Variants in GNB1 observed in about 807,000 individuals in gnomAD.
GNB1 encodes the protein G protein subunit beta 1, also known as guanine nucleotide-binding protein G(I)/G(S)/G(T) subunit beta-1.
A neutral mutation model predicts 42.9 loss-of-function variants in GNB1; 2 were observed. The ratio of observed to expected loss-of-function variants is 0.05; its 90% CI spans 0.02 to 0.15. The LOEUF is 0.15. Among genes scored for constraint, GNB1 ranks in the 10% least tolerant of loss-of-function variants. GNB1 has a pLI of 1.00. For missense variants in GNB1, 193 were observed against 462.2 expected (o/e 0.42, Z 5.34); for synonymous variants, 183 against 174.7 (o/e 1.05, Z -0.38).
Position 1,867,088 on chromosome 1 carries a change from G to A in GNB1, c.-96+23732C>T, listed in dbSNP as rs185207993. On this transcript the variant is annotated intron_variant, in intron 1 of 11. Transcript: ENST00000378609. ...TCGAGACCAGCCTGGCCAACATGGC[G>A]AAACCCCATCTCTATTAAAAATACA... Among the ~76,000 whole-genome samples the A allele has an allele frequency of 1.5e-4, 23 of 152,178 alleles. No homozygotes were observed. The East Asian group carries it at 3.9e-3, about 26-fold the overall frequency.
chr1:1,851,713 CCTTTA>C (rs753857526), intron 1 of GNB1, among the ~76,000 whole-genome samples: 105 of 152,324 alleles, frequency 6.9e-4, no homozygotes, highest in Non-Finnish European at 1.4e-3. Context: ...TGAGGACAAG[CCTTTA>C]CTTTATTTTG....
At chr1:1,820,525 G>GT (rs1235507344) in intron 3 of GNB1, among the ~76,000 whole-genome samples, 4 of 152,038 alleles carry the variant, frequency 2.6e-5, no homozygotes, top group Non-Finnish European at 5.9e-5. Flanking sequence ...AACATTTGGA[G>GT]TAAGGGGGAT....
intron 3 of GNB1, among the ~76,000 whole-genome samples, chr1:1,819,428 C>T (rs865777904): frequency 6.6e-6 from 1 of 152,218 alleles, no homozygotes; most frequent in African/African-American, 2.4e-5. Flanking sequence ...ACCATATTGG[C>T]CAGGCTGGTC....
rs776673470 is a variant in GNB1, at chr1:1,793,292, T to C, written c.450A>G (p.Arg150=). 1 of 1,613,284 alleles carries C rather than the reference T, an allele frequency of 6.2e-7. No homozygotes were observed. The highest frequency in any genetic ancestry group is 1.1e-5 in the South Asian group (1 of 90,984). ...AGHTGYLSCC[R]FLDDNQIVTS... ...TGACGATCTGATTGTCATCCAGGAATCGGCAGCAGGACAGGTAACCTGGCA... is the reference window on the plus strand; with the variant it reads ...TGACGATCTGATTGTCATCCAGGAACCGGCAGCAGGACAGGTAACCTGGCA... The change falls in exon 8 of 12, where the codon CGA becomes CGG. Residue 150 remains arginine (R), a synonymous_variant. Transcript: ENST00000378609.
At position 1,849,322 on chromosome 1, in the gene GNB1, G is replaced by A. The variant is rs138266024; in HGVS notation, c.-95-10084C>T. On this transcript the variant is annotated intron_variant, in intron 1 of 11. Coordinates refer to ENST00000378609, the MANE Select transcript of GNB1 (RefSeq NM_002074.5). ...CTAGATATAGCACCAGAAGATAACT[G>A]CAGTGTGATGGGATACACTTCTGCC... is the stretch of plus-strand genomic sequence containing the variant. Among the ~76,000 whole-genome samples, 31 of 152,276 alleles carry A rather than the reference G, an allele frequency of 2.0e-4. No homozygotes were observed. The East Asian group carries it at 6.0e-3, about 29-fold the overall frequency.
At position 1,801,224 on chromosome 1, in the gene GNB1, C is replaced by T. The variant is rs189569336; in HGVS notation, c.430+3195G>A. On this transcript the variant is annotated intron_variant, in intron 7 of 11. Coordinates refer to ENST00000378609, the MANE Select transcript of GNB1 (RefSeq NM_002074.5). ...TTTATTTTTAGTAGACACGGGGTTTCGTCATGTTGGCTAGGCTGATCTCAA... is the reference window on the plus strand; with the variant it reads ...TTTATTTTTAGTAGACACGGGGTTTTGTCATGTTGGCTAGGCTGATCTCAA... Among the ~76,000 whole-genome samples the T allele has an allele frequency of 5.9e-5, 9 of 152,278 alleles. No individual in the cohort carries two copies. In the East Asian group the frequency reaches 1.2e-3, roughly 20 times the overall value.
intron 1 of GNB1, among the ~76,000 whole-genome samples, chr1:1,883,278 CAAAAAA>C (rs70937202): frequency 2.7e-5 from 2 of 75,398 alleles, no homozygotes; most frequent in South Asian, 3.8e-4. Context: ...AACCCTGTCC[CAAAAAA>C]AAAAAAAAAA....
At chr1:1,845,234 G>A (rs1647563770) in intron 1 of GNB1, among the ~76,000 whole-genome samples, 1 of 152,138 alleles carries the variant, frequency 6.6e-6, no homozygotes, top group Non-Finnish European at 1.5e-5. Flanking sequence ...ACATTCTAAG[G>A]GCAAATAGAG....
intron 7 of GNB1, among the ~76,000 whole-genome samples, chr1:1,801,074 G>C (rs1646619249): frequency 6.6e-6 from 1 of 152,248 alleles, no homozygotes; most frequent in African/African-American, 2.4e-5. Context: ...CTGTTACCCA[G>C]GCTGGAGGTG....
At chr1:1,833,255 C>T (rs942364139) in intron 2 of GNB1, among the ~76,000 whole-genome samples, 13 of 152,232 alleles carry the variant, frequency 8.5e-5, no homozygotes, top group South Asian at 2.1e-4. Context: ...ACCTCCAAGA[C>T]GAAGCAGCAT....
rs879128202 is a variant in GNB1, at chr1:1,804,333, T to C, written c.430+86A>G. The C allele has an allele frequency of 3.4e-5, 28 of 822,654 alleles. No individual in the cohort carries two copies. In the South Asian group the frequency reaches 3.7e-4, roughly 11 times the overall value. 51.0% of individuals were successfully genotyped at this position (822,654 alleles called of 1,614,324 possible). On this transcript the variant is annotated intron_variant, in intron 7 of 11. Coordinates refer to ENST00000378609, the MANE Select transcript of GNB1 (RefSeq NM_002074.5). ...AATTAATTAATTAATTAAAAAATGA[T>C]TGATAAAAAGTGAGTATCCAAAGCA...
At chr1:1,858,372 C>T (rs1648420517) in intron 1 of GNB1, among the ~76,000 whole-genome samples, 1 of 152,114 alleles carries the variant, frequency 6.6e-6, no homozygotes. Flanking sequence ...TGACAAATTC[C>T]ACTTGTACCA....
chr1:1,798,862 C>A (rs577889308), intron 7 of GNB1, among the ~76,000 whole-genome samples: 71 of 152,088 alleles, frequency 4.7e-4, no homozygotes, highest in African/African-American at 1.7e-3. Context: ...CCACCACATC[C>A]AACTAGTTTT....
chr1:1,808,302 G>A (rs561049770), intron 5 of GNB1, among the ~76,000 whole-genome samples: 89 of 152,164 alleles, frequency 5.8e-4, no homozygotes, highest in African/African-American at 1.8e-3. Flanking sequence ...CACTGCGCCC[G>A]ACCATGAATT....
intron 1 of GNB1, among the ~76,000 whole-genome samples, chr1:1,857,253 G>A (rs951070472): frequency 6.8e-6 from 1 of 146,932 alleles, no homozygotes; most frequent in Non-Finnish European, 1.5e-5. Context: ...AACTAAACTG[G>A]AAACGAGAAA....
intron 2 of GNB1, among the ~76,000 whole-genome samples, chr1:1,831,175 T>A (rs1398114914): frequency 6.6e-6 from 1 of 151,570 alleles, no homozygotes; most frequent in Non-Finnish European, 1.5e-5. Flanking sequence ...AAAAAAAAAG[T>A]TACTTGATGC....
chr1:1,883,187 G>T (rs530147287), intron 1 of GNB1, among the ~76,000 whole-genome samples: 1 of 149,168 alleles, frequency 6.7e-6, no homozygotes, highest in East Asian at 2.0e-4. Context: ...GAAGAAGATC[G>T]TATGAGCCCA....
At chr1:1,885,241 C>G (rs1420943209) in intron 1 of GNB1, among the ~76,000 whole-genome samples, 2 of 150,956 alleles carry the variant, frequency 1.3e-5, no homozygotes, top group Non-Finnish European at 2.9e-5. Flanking sequence ...GGTGAAACCC[C>G]ATCTCTACTA....
intron 3 of GNB1, among the ~76,000 whole-genome samples, chr1:1,821,435 T>C (rs1433350400): frequency 6.6e-6 from 1 of 152,180 alleles, no homozygotes; most frequent in Non-Finnish European, 1.5e-5. Flanking sequence ...GAAAAACAAA[T>C]CTAAGAAAGA....
Sources: gnomAD v4.1 joint callset for allele counts (sites outside exome capture counted in the v4.1 genomes callset) on GRCh38, gnomAD v4.1.1 for gene constraint, MANE v1.5 for transcripts, NCBI Gene and HGNC (gene_info 2026-07-23, HGNC 2026-07-21) for gene names.